EPC2: variants seen among roughly 807,000 people sequenced by gnomAD.
EPC2 encodes enhancer of polycomb 2.
A neutral mutation model predicts 92.1 loss-of-function variants in EPC2; 14 were observed. The observed-to-expected ratio is 0.15, with a 90% CI of 0.10 to 0.24. The LOEUF is 0.24. Ranked by LOEUF, EPC2 falls within the 10% of genes least tolerant of loss-of-function variation. The probability of loss-of-function intolerance (pLI) is 1.00; values close to 1 mark genes in which losing one functional copy is unlikely to be tolerated. For synonymous variants in EPC2, 340 were observed against 334.7 expected, an observed-to-expected ratio of 1.02 and a Z score of -0.17; for missense variants, 755 against 971.5, an observed-to-expected ratio of 0.78 and a Z score of 2.96.
intron 1 of EPC2, among the ~76,000 whole-genome samples, chr2:148,667,634 C>T (rs1681079928): frequency 6.6e-6 from 1 of 152,052 alleles, no homozygotes; most frequent in Admixed American, 6.5e-5. Context: ...TTTTGACTCC[C>T]CACTGCCTTT....
At chr2:148,709,644 A>G (rs1682088163) in intron 2 of EPC2, among the ~76,000 whole-genome samples, 1 of 152,220 alleles carries the variant, frequency 6.6e-6, no homozygotes, top group South Asian at 2.1e-4. Context: ...GTACCAAAAC[A>G]GAGATATAAA....
At chr2:148,672,803 G>A (rs886367398) in intron 1 of EPC2, among the ~76,000 whole-genome samples, 22 of 152,024 alleles carry the variant, frequency 1.4e-4, no homozygotes, top group Non-Finnish European at 2.8e-4. Context: ...ATATTTTTGC[G>A]TGGTTTCTTG....
intron 2 of EPC2, among the ~76,000 whole-genome samples, chr2:148,725,321 CTT>C (rs1558821199): frequency 6.6e-6 from 1 of 151,966 alleles, no homozygotes; most frequent in Non-Finnish European, 1.5e-5. Context: ...AATGTTAACA[CTT>C]AACAATATTT....
chr2:148,774,632 A>AT (rs1683590938), intron 10 of EPC2, among the ~76,000 whole-genome samples: 5 of 148,338 alleles, frequency 3.4e-5, no homozygotes, highest in African/African-American at 1.2e-4. Flanking sequence ...TTTTATATAT[A>AT]TATATATATG....
intron 10 of EPC2, among the ~76,000 whole-genome samples, chr2:148,778,223 T>C (rs1038590461): frequency 6.6e-6 from 1 of 152,180 alleles, no homozygotes; most frequent in African/African-American, 2.4e-5. Flanking sequence ...CAACTTAAGA[T>C]CAACTAGTGA....
At chr2:148,752,519 C>CT (rs1278072738) in intron 3 of EPC2, among the ~76,000 whole-genome samples, 1 of 152,142 alleles carries the variant, frequency 6.6e-6, no homozygotes, top group Admixed American at 6.5e-5. Flanking sequence ...TGGCTATCCA[C>CT]TTTAAGGACC....
At chr2:148,742,767 A>T (rs1429391146) in intron 2 of EPC2, among the ~76,000 whole-genome samples, 1 of 145,936 alleles carries the variant, frequency 6.9e-6, no homozygotes, top group African/African-American at 2.5e-5. Flanking sequence ...GGCAACAGAC[A>T]AAATGAGACC....
chr2:148,693,910 G>A lies in EPC2; in HGVS notation c.313+3537G>A, dbSNP rs73968810. The stretch of plus-strand genomic sequence containing the variant: ...CCTCCTGTGTCCAGTGCGTACTTTC[G>A]TTGTGGCACTGACCACCTTCAGTTG... On this transcript the variant is annotated intron_variant, in intron 2 of 13. Coordinates refer to ENST00000258484, the MANE Select transcript of EPC2 (RefSeq NM_015630.4). Among the ~76,000 whole-genome samples the A allele has an allele frequency of 9.7e-3, 1,474 of 152,142 alleles. 21 individuals are homozygous for A. Among genetic ancestry groups the A allele is most frequent in the African/African-American group, 0.033 (1,381 of 41,496 alleles).
At chr2:148,692,619 C>T (rs1486424579) in intron 2 of EPC2, 4 of 151,986 alleles carry the variant, frequency 2.6e-5, no homozygotes, top group African/African-American at 9.7e-5. Flanking sequence ...TTTGAATTTG[C>T]CTTTACCTTC....
At chr2:148,649,186 T>C (rs1173520993) in intron 1 of EPC2, among the ~76,000 whole-genome samples, 1 of 152,246 alleles carries the variant, frequency 6.6e-6, no homozygotes, top group Admixed American at 6.5e-5. Flanking sequence ...TTAATCCTTT[T>C]TTTAAATAAA....
intron 2 of EPC2, among the ~76,000 whole-genome samples, 192 bp downstream of exon 2, chr2:148,690,565 A>T (rs13432318): frequency 0.16 from 23,732 of 152,270 alleles, 2,383 homozygotes; most frequent in Middle Eastern, 0.25. Flanking sequence ...TTTAAGTAAC[A>T]TTTGGAACAT....
intron 1 of EPC2, among the ~76,000 whole-genome samples, chr2:148,681,516 T>C (rs1458816503): frequency 6.6e-6 from 1 of 152,100 alleles, no homozygotes; most frequent in Non-Finnish European, 1.5e-5. Context: ...TATATTAGGG[T>C]TTTCTTAAAA....
chr2:148,704,016 A>G (rs1177470990), intron 2 of EPC2, among the ~76,000 whole-genome samples: 2 of 152,228 alleles, frequency 1.3e-5, no homozygotes, highest in Non-Finnish European at 2.9e-5. Context: ...AATTGAAGAT[A>G]GACTTACCAT....
intron 10 of EPC2, among the ~76,000 whole-genome samples, chr2:148,780,056 T>TA (rs1558838923): frequency 2.0e-5 from 3 of 152,254 alleles, no homozygotes; most frequent in South Asian, 4.1e-4. Flanking sequence ...ATTTAGAATT[T>TA]AAAAAAAATT....
chr2:148,698,829 C>T (rs1412136019), intron 2 of EPC2, among the ~76,000 whole-genome samples: 3 of 141,040 alleles, frequency 2.1e-5, no homozygotes, highest in South Asian at 2.2e-4. Flanking sequence ...ATTTTCTTCC[C>T]TTTTTTTTTT....
chr2:148,729,440 T>A (rs1433608500), intron 2 of EPC2, among the ~76,000 whole-genome samples: 5 of 152,238 alleles, frequency 3.3e-5, no homozygotes, highest in Non-Finnish European at 7.3e-5. Context: ...ATGTAACATC[T>A]TGCATTACCT....
intron 2 of EPC2, among the ~76,000 whole-genome samples, chr2:148,704,668 T>A (rs1167983352): frequency 6.6e-6 from 1 of 152,220 alleles, no homozygotes; most frequent in Non-Finnish European, 1.5e-5. Flanking sequence ...ACATTTTTAC[T>A]TATTTAGCCT....
chr2:148,729,857 G>C (rs1682582723), intron 2 of EPC2, among the ~76,000 whole-genome samples: 1 of 152,090 alleles, frequency 6.6e-6, no homozygotes, highest in South Asian at 2.1e-4. Flanking sequence ...CCATTCTTAT[G>C]GCCTGTGGTT....
intron 3 of EPC2, among the ~76,000 whole-genome samples, chr2:148,749,570 G>A (rs1683048627): frequency 6.6e-6 from 1 of 151,880 alleles, no homozygotes; most frequent in Admixed American, 6.6e-5. Flanking sequence ...ACAAGCAGTG[G>A]CAGTTAGGAA....
Sources: allele counts gnomAD v4.1 joint callset (sites outside exome capture counted in the v4.1 genomes callset), GRCh38; gene constraint gnomAD v4.1.1; transcripts MANE v1.5; gene names NCBI Gene and HGNC (gene_info 2026-07-23, HGNC 2026-07-21).